The following DYNC2H1 variants were observed in gnomAD, a reference collection of about 807,000 sequenced individuals.
DYNC2H1 encodes dynein cytoplasmic 2 heavy chain 1, also known as cytoplasmic dynein 2 heavy chain 1.
Under a neutral mutation model 570.0 loss-of-function variants are expected in DYNC2H1, and 410 were observed. The observed-to-expected ratio is 0.72, with a 90% CI of 0.66 to 0.78. DYNC2H1 has a LOEUF of 0.78. DYNC2H1 is among the 30% of genes least tolerant of loss of function. The pLI, the probability that DYNC2H1 is intolerant of heterozygous loss-of-function variation, is 0.00. For missense variants in DYNC2H1, 4,865 were observed against 5,046.4 expected (o/e 0.96, Z 1.09); for synonymous variants, 1,688 against 1,677.6 (o/e 1.01, Z -0.15).
In DYNC2H1 at chr11:103,345,872, G is replaced by C. The variant is rs3847583; in HGVS notation, c.12040-12371G>C. On this transcript the variant is annotated intron_variant, in intron 82 of 88. Transcript: ENST00000375735. ...ATGCTGTTGCTCAAAATGGTAGCAG[G>C]TTTGGGGAGGCAATTGTTATTAATA... Among the ~76,000 whole-genome samples, 15 of 152,182 alleles carry C rather than the reference G, an allele frequency of 9.9e-5. No individual in the cohort carries two copies. In the East Asian group the frequency reaches 2.9e-3, roughly 29 times the overall value.
intron 47 of DYNC2H1, among the ~76,000 whole-genome samples, chr11:103,196,156 G>A (rs1028997114): frequency 2.6e-5 from 4 of 152,136 alleles, no homozygotes; most frequent in African/African-American, 9.7e-5. Flanking sequence ...GCACAATCAG[G>A]TTTTGTTTTT....
intron 83 of DYNC2H1, among the ~76,000 whole-genome samples, chr11:103,397,552 AT>A (rs1197406872): frequency 1.3e-5 from 2 of 152,192 alleles, no homozygotes; most frequent in Non-Finnish European, 2.9e-5. Context: ...TATTTTTAGA[AT>A]TGAGTTAGTT....
Position 103,267,415 on chromosome 11 carries a change from G to A in DYNC2H1, c.10695+7438G>A, listed in dbSNP as rs961899856. Reference sequence around the variant, plus strand: ...TTTTCCTTGTAAAGATTTTGCACTTGACTATAATCCAAACCTCACTTTTTA... The same window carrying A: ...TTTTCCTTGTAAAGATTTTGCACTTAACTATAATCCAAACCTCACTTTTTA... On this transcript the variant is annotated intron_variant, in intron 70 of 88. Transcript: ENST00000375735. Among the ~76,000 whole-genome samples the A allele has an allele frequency of 8.6e-5, 13 of 150,544 alleles. 1 individual carries two copies. The Admixed American group carries it at 8.7e-4, about 10-fold the overall frequency.
intron 20 of DYNC2H1, among the ~76,000 whole-genome samples, chr11:103,148,841 G>A (rs1325644914): frequency 1.3e-5 from 2 of 152,114 alleles, no homozygotes; most frequent in Non-Finnish European, 2.9e-5. Flanking sequence ...GGCAGATCAC[G>A]AGGTTGGGAG....
chr11:103,214,443 CTTCT>C (rs1863292112), intron 54 of DYNC2H1, among the ~76,000 whole-genome samples: 1 of 51,994 alleles, frequency 1.9e-5, no homozygotes. Context: ...AGTACTTCTT[CTTCT>C]TTTTTTTTTT....
At chr11:103,131,940 G>T (rs768495480) in intron 13 of DYNC2H1, among the ~76,000 whole-genome samples, 6 of 152,094 alleles carry the variant, frequency 3.9e-5, no homozygotes, top group Non-Finnish European at 8.8e-5. Flanking sequence ...CCTATTTGGG[G>T]TTTACTCAGC....
rs555941319 is a variant in DYNC2H1, at chr11:103,165,007, T to C, written c.4612-891T>C. Among the ~76,000 whole-genome samples, 9 of 152,314 alleles carry C rather than the reference T, an allele frequency of 5.9e-5. No individual in the cohort carries two copies. In the South Asian group the frequency reaches 1.7e-3, roughly 28 times the overall value. ...GGTTCTCCATAAATACCTCATCATATACCTGATTAAAGAAACTGATGAGTT... is the reference window on the plus strand; with the variant it reads ...GGTTCTCCATAAATACCTCATCATACACCTGATTAAAGAAACTGATGAGTT... On this transcript the variant is annotated intron_variant, in intron 30 of 88. Coordinates refer to ENST00000375735, the MANE Select transcript of DYNC2H1 (RefSeq NM_001377.3).
chr11:103,392,445 A>C (rs2266153), intron 83 of DYNC2H1, among the ~76,000 whole-genome samples: 102,217 of 152,168 alleles, frequency 0.67, 34,473 homozygotes, highest in Admixed American at 0.73. Flanking sequence ...CCTTGCGCTT[A>C]CTGGGTGAGG....
chr11:103,439,094 A>T lies in DYNC2H1; in HGVS notation c.12456+3062A>T, dbSNP rs1944168766. On this transcript the variant is annotated intron_variant, in intron 85 of 88. Transcript: ENST00000375735. This position sits in a 1 kb window ranked among gnomAD's most constrained non-coding sequence, Gnocchi z 4.1. Reference sequence around the variant, plus strand: ...ACATACATCTTGTTCTCCAGGAACTATCCTTACAACTTATCAGAAAGATAG... The same window carrying T: ...ACATACATCTTGTTCTCCAGGAACTTTCCTTACAACTTATCAGAAAGATAG... Among the ~76,000 whole-genome samples the T allele has an allele frequency of 6.6e-6, 1 of 152,180 alleles. No homozygotes were observed. Among genetic ancestry groups the T allele is most frequent in the Admixed American group, 6.6e-5 (1 of 15,262 alleles).
At chr11:103,221,300 G>A (rs1231425367) in intron 57 of DYNC2H1, among the ~76,000 whole-genome samples, 4 of 152,118 alleles carry the variant, frequency 2.6e-5, no homozygotes, top group African/African-American at 4.8e-5. Flanking sequence ...GGTTTGTGCC[G>A]ATATTAAGTT....
rs1440222983 is a variant in DYNC2H1, at chr11:103,185,683, C to T, written c.6634-559C>T. ...TCCCTTTCCATGGCTGTCCTGTTGC[C>T]TCTGTTGCCAGATGCTTCTCATTGT... is the stretch of plus-strand genomic sequence containing the variant. On this transcript the variant is annotated intron_variant, in intron 41 of 88. Coordinates refer to ENST00000375735, the MANE Select transcript of DYNC2H1 (RefSeq NM_001377.3). This position sits in a 1 kb window ranked among gnomAD's most constrained non-coding sequence, Gnocchi z 4.5. Among the ~76,000 whole-genome samples the T allele has an allele frequency of 6.6e-6, 1 of 151,858 alleles. No individual in the cohort carries two copies. Among genetic ancestry groups the T allele is most frequent in the Admixed American group, 6.6e-5 (1 of 15,186 alleles).
In DYNC2H1 at chr11:103,147,894, A is replaced by C. The variant is rs763123872; in HGVS notation, c.2818+7A>C. ...TTGAAGAAGTCCATACAGGGTAAAT[A>C]CACATTTTAATTTTTATTTTTACTT... On this transcript the variant is annotated splice_region_variant and intron_variant, in intron 19 of 88. Transcript: ENST00000375735. 46 of 1,550,846 alleles carry C rather than the reference A, an allele frequency of 3.0e-5. No individual in the cohort carries two copies. Among genetic ancestry groups the C allele is most frequent in the Non-Finnish European group, 4.0e-5 (45 of 1,129,962 alleles).
intron 82 of DYNC2H1, among the ~76,000 whole-genome samples, chr11:103,349,845 A>G (rs1257826736): frequency 1.3e-5 from 2 of 152,144 alleles, no homozygotes; most frequent in African/African-American, 2.4e-5. Context: ...GTGAAATCTC[A>G]TCTCACAAAT....
chr11:103,336,180 C>T (rs992894985), intron 82 of DYNC2H1, among the ~76,000 whole-genome samples: 1 of 152,178 alleles, frequency 6.6e-6, no homozygotes, highest in Non-Finnish European at 1.5e-5. Flanking sequence ...AGTAGTTGTA[C>T]ATATTTATAG....
At chr11:103,120,094 T>A (rs1858620414) in intron 6 of DYNC2H1, among the ~76,000 whole-genome samples, 1 of 152,222 alleles carries the variant, frequency 6.6e-6, no homozygotes. Flanking sequence ...AAGTTATTAC[T>A]ATATTAAGGG....
At chr11:103,314,670 C>CT (rs1303657639) in intron 79 of DYNC2H1, among the ~76,000 whole-genome samples, 1 of 151,870 alleles carries the variant, frequency 6.6e-6, no homozygotes, top group Non-Finnish European at 1.5e-5. Flanking sequence ...GAGAATGTCA[C>CT]TTTTTTTCAT....
rs1341300449 is a variant in DYNC2H1, at chr11:103,325,006, T to C, written c.12039+1016T>C. 6.6e-6 allele frequency among the ~76,000 whole-genome samples: 1 copy of C among 152,250 alleles called. No individual in the cohort carries two copies. The highest frequency in any genetic ancestry group is 1.5e-5 in the Non-Finnish European group (1 of 68,050). Reference sequence around the variant, plus strand: ...CATATGTTTATTGGCCGTATGTATGTCTTCTTTTGAGAAGCATCTCTTCAT... The same window carrying C: ...CATATGTTTATTGGCCGTATGTATGCCTTCTTTTGAGAAGCATCTCTTCAT... On this transcript the variant is annotated intron_variant, in intron 82 of 88. Coordinates refer to ENST00000375735, the MANE Select transcript of DYNC2H1 (RefSeq NM_001377.3). This position sits in a 1 kb window ranked among gnomAD's most constrained non-coding sequence, Gnocchi z 4.8.
intron 40 of DYNC2H1, among the ~76,000 whole-genome samples, chr11:103,184,078 CAGAT>C (rs1861965583): frequency 6.6e-6 from 1 of 151,948 alleles, no homozygotes; most frequent in Admixed American, 6.6e-5. Context: ...TCTGCATAAG[CAGAT>C]AGATCTCATC....
intron 82 of DYNC2H1, among the ~76,000 whole-genome samples, chr11:103,352,940 A>G (rs1940122323): frequency 6.6e-6 from 1 of 152,234 alleles, no homozygotes; most frequent in Non-Finnish European, 1.5e-5. Context: ...AATGTTGTAC[A>G]TGTACACCAT....
Sources: gnomAD v4.1 joint callset for allele counts (sites outside exome capture counted in the v4.1 genomes callset) on GRCh38, gnomAD v4.1.1 for gene constraint, Gnocchi (gnomAD v3.1) non-coding constraint, MANE v1.5 for transcripts, NCBI Gene and HGNC (gene_info 2026-07-23, HGNC 2026-07-21) for gene names.